Variants in ADGRV1 observed in about 807,000 individuals in gnomAD.
ADGRV1 encodes adhesion G protein-coupled receptor V1.
ADGRV1 carries 359 observed loss-of-function variants against 596.2 expected under a neutral mutation model. The ratio of observed to expected loss-of-function variants is 0.60; its 90% CI spans 0.55 to 0.66. The LOEUF (loss-of-function observed/expected upper bound fraction) is 0.66, where lower values mean the gene tolerates loss of function less well. Among genes scored for constraint, ADGRV1 ranks in the 30% least tolerant of loss-of-function variants. The probability of loss-of-function intolerance (pLI) is 0.00; values close to 1 mark genes in which losing one functional copy is unlikely to be tolerated. For missense variants in ADGRV1, 7,274 were observed against 7,575.6 expected (o/e 0.96, Z 1.48); for synonymous variants, 2,681 against 2,679.2 (o/e 1.00, Z -0.02).
chr5:90,653,858 A>G lies in ADGRV1; in HGVS notation c.4284A>G (p.Leu1428=). Residue 1428 remains leucine (L), a synonymous_variant, in exon 20 of 90, where the codon CTA becomes CTG. Transcript: ENST00000405460. ...YLEESVWLHL[L]IILEDGIIEF... ...AAGAAAGTGTTTGGCTTCATCTACT[A>G]ATTATCCTGGAGGATGGTATAATCG... is the stretch of plus-strand genomic sequence containing the variant. The G allele has an allele frequency of 6.2e-7, 1 of 1,609,854 alleles. No individual in the cohort carries two copies. Among genetic ancestry groups the G allele is most frequent in the Non-Finnish European group, 8.5e-7 (1 of 1,177,908 alleles).
At chr5:90,612,658 CT>C (rs150269476) in intron 1 of ADGRV1, among the ~76,000 whole-genome samples, 3,232 of 152,086 alleles carry the variant, frequency 0.021, 102 homozygotes, top group African/African-American at 0.067. Flanking sequence ...TAAAACAGTG[CT>C]TATATAAGCA....
chr5:91,098,751 C>T (rs1054900255), intron 86 of ADGRV1, among the ~76,000 whole-genome samples: 44 of 150,814 alleles, frequency 2.9e-4, no homozygotes, highest in African/African-American at 1.0e-3. Context: ...CTCCACTAAG[C>T]TCTGTCAGCA....
intron 85 of ADGRV1, among the ~76,000 whole-genome samples, chr5:90,999,034 T>A (rs1413716356): frequency 6.6e-6 from 1 of 152,232 alleles, no homozygotes; most frequent in Admixed American, 6.5e-5. Context: ...TTCATCTCCC[T>A]ACATTAATTT....
At chr5:90,654,098 C>T (rs1047693163) in intron 20 of ADGRV1, 146 bp downstream of exon 20, 2 of 829,054 alleles carry the variant, frequency 2.4e-6, no homozygotes. Flanking sequence ...AACTATGTGC[C>T]TACCAAGATA....
intron 83 of ADGRV1, among the ~76,000 whole-genome samples, chr5:90,898,726 T>C (rs1203431431): frequency 6.6e-6 from 1 of 152,150 alleles, no homozygotes; most frequent in Non-Finnish European, 1.5e-5. Context: ...GGAGGATCAC[T>C]TGATGCCAGC....
Position 91,021,151 on chromosome 5 carries a change from G to A in ADGRV1, c.18152+35629G>A, listed in dbSNP as rs570447465. Among the ~76,000 whole-genome samples the A allele has an allele frequency of 2.0e-5, 3 of 152,160 alleles. No homozygotes were observed. The South Asian group carries it at 6.2e-4, about 32-fold the overall frequency. The stretch of plus-strand genomic sequence containing the variant: ...GTTATTTAAAGTCAGTTAACTTATT[G>A]TTGGAACTTTGAATTGCTAAAGGAA... On this transcript the variant is annotated intron_variant, in intron 85 of 89. Transcript: ENST00000405460.
At chr5:90,816,761 A>G (rs370177332) in intron 75 of ADGRV1, among the ~76,000 whole-genome samples, 1,829 of 151,776 alleles carry the variant, frequency 0.012, 38 homozygotes, top group African/African-American at 0.042. Context: ...TTATGGCTGC[A>G]TAGTATTCCA....
At chr5:90,904,734 A>G (rs934296090) in intron 83 of ADGRV1, among the ~76,000 whole-genome samples, 1 of 151,714 alleles carries the variant, frequency 6.6e-6, no homozygotes, top group Non-Finnish European at 1.5e-5. Flanking sequence ...AAGCTTTTTA[A>G]TTTGATGTGA....
chr5:90,926,874 C>T (rs1212004742), intron 83 of ADGRV1, among the ~76,000 whole-genome samples: 9 of 152,036 alleles, frequency 5.9e-5, no homozygotes, highest in Non-Finnish European at 1.5e-5. Context: ...TTTATTTCTT[C>T]CTTCATTTCG....
At chr5:90,713,426 G>A (rs997594128) in intron 42 of ADGRV1, among the ~76,000 whole-genome samples, 1 of 151,228 alleles carries the variant, frequency 6.6e-6, no homozygotes, top group African/African-American at 2.4e-5. Context: ...GTAGAACATA[G>A]TGGGGTGGTA....
At chr5:91,154,642 T>C (rs1796322532) in intron 89 of ADGRV1, among the ~76,000 whole-genome samples, 1 of 152,174 alleles carries the variant, frequency 6.6e-6, no homozygotes, top group Non-Finnish European at 1.5e-5. Context: ...TACTGGAAAC[T>C]GGGTAATTTA....
In ADGRV1 at chr5:90,728,868, C is replaced by T. The variant is rs912474464; in HGVS notation, c.10361C>T (p.Thr3454Ile). ...NFQEVPVSGT[T>I]EVEALSSAND... ...CAAGAGGTGCCTGTCAGTGGGACAA[C>T]AGAAGTTGAGGCTTTGTCTTCAGCC... is the stretch of plus-strand genomic sequence containing the variant. The change falls in exon 49 of 90, where the codon ACA (threonine) becomes ATA (isoleucine). Residue 3454 changes from threonine (T) to isoleucine (I), a missense_variant. Physicochemically the swap from Thr to Ile is moderately conservative, Grantham distance 89 (BLOSUM62 -1). Coordinates refer to ENST00000405460, the MANE Select transcript of ADGRV1 (RefSeq NM_032119.4). 1 of 1,613,546 alleles carries T rather than the reference C, an allele frequency of 6.2e-7. No individual in the cohort carries two copies.
intron 85 of ADGRV1, among the ~76,000 whole-genome samples, chr5:91,049,835 A>G (rs188239914): frequency 1.6e-3 from 237 of 152,344 alleles, no homozygotes; most frequent in African/African-American, 5.4e-3. Flanking sequence ...CACAGGGCCA[A>G]CTTTAGGGCT....
chr5:90,567,083 A>G (rs7724658), intron 1 of ADGRV1, among the ~76,000 whole-genome samples: 6,068 of 151,076 alleles, frequency 0.04, 385 homozygotes, highest in African/African-American at 0.14. Flanking sequence ...CTTTTTTTCT[A>G]TTAATTTGGT....
Position 90,810,499 on chromosome 5 carries a change from A to G in ADGRV1, c.15239A>G (p.Asn5080Ser). The G allele has an allele frequency of 6.2e-7, 1 of 1,613,960 alleles. No individual in the cohort carries two copies. The highest frequency in any genetic ancestry group is 1.1e-5 in the South Asian group (1 of 91,078). The change falls in exon 74 of 90, where the codon AAT (asparagine) becomes AGT (serine). Residue 5080 changes from asparagine (N) to serine (S), a missense_variant. Coordinates refer to ENST00000405460, the MANE Select transcript of ADGRV1 (RefSeq NM_032119.4). ...GTTGATTTTGAAATAACCATTATTA[A>G]TGATCAGCTTTCTGAGATAGAAGAA... ...TEVDFEITIINDQLSEIEEFF... is the reference protein window; with the variant it reads ...TEVDFEITIISDQLSEIEEFF...
intron 83 of ADGRV1, among the ~76,000 whole-genome samples, chr5:90,925,836 C>G (rs1278886809): frequency 7.9e-6 from 1 of 126,246 alleles, no homozygotes; most frequent in Admixed American, 8.1e-5. Context: ...GAGTTTTTAG[C>G]ATGAAGGGTT....
intron 44 of ADGRV1, among the ~76,000 whole-genome samples, chr5:90,720,471 G>A (rs1427443273): frequency 6.6e-6 from 1 of 152,000 alleles, no homozygotes; most frequent in Non-Finnish European, 1.5e-5. Flanking sequence ...CACACTTTCA[G>A]GTAAAGGTCT....
intron 85 of ADGRV1, among the ~76,000 whole-genome samples, chr5:90,996,533 A>C (rs1781432373): frequency 6.6e-6 from 1 of 152,096 alleles, no homozygotes; most frequent in Non-Finnish European, 1.5e-5. Context: ...CAGGGGTAGG[A>C]CCCTCATGGA....
chr5:90,960,763 C>G (rs1407976089), intron 83 of ADGRV1, among the ~76,000 whole-genome samples: 1 of 151,812 alleles, frequency 6.6e-6, no homozygotes, highest in African/African-American at 2.4e-5. Flanking sequence ...AAAAGAAATT[C>G]TAGATAAAAG....
Sources: gnomAD v4.1 joint callset for allele counts (sites outside exome capture counted in the v4.1 genomes callset) on GRCh38, gnomAD v4.1.1 for gene constraint, MANE v1.5 for transcripts, NCBI Gene and HGNC (gene_info 2026-07-23, HGNC 2026-07-21) for gene names.